The following TLL1 variants were observed in gnomAD, a reference collection of about 807,000 sequenced individuals.
The protein encoded by TLL1 is tolloid like 1.
TLL1 carries 49 observed loss-of-function variants against 128.2 expected under a neutral mutation model. The ratio of observed to expected loss-of-function variants is 0.38; its 90% confidence interval spans 0.30 to 0.48. The LOEUF (loss-of-function observed/expected upper bound fraction) is 0.48. TLL1 is among the 20% of genes least tolerant of loss of function. The pLI is 0.96. For synonymous variants in TLL1, 454 were observed against 418.8 expected, an observed-to-expected ratio of 1.08 and a Z score of -1.03; for missense variants, 1,123 against 1,242.0, an observed-to-expected ratio of 0.90 and a Z score of 1.44.
chr4:165,947,905 C>T (rs1734332803), intron 1 of TLL1, among the ~76,000 whole-genome samples: 1 of 152,130 alleles, frequency 6.6e-6, no homozygotes, highest in African/African-American at 2.4e-5. Context: ...CAGAAAGGGA[C>T]AGAGGCTATA....
At chr4:166,004,182 C>T (rs969890810) in intron 6 of TLL1, among the ~76,000 whole-genome samples, 7 of 152,020 alleles carry the variant, frequency 4.6e-5, no homozygotes, top group African/African-American at 1.7e-4. Context: ...TTGATAATGG[C>T]CTCAATGTAA....
Position 165,897,773 on chromosome 4 carries a change from A to G in TLL1, c.169+23700A>G, listed in dbSNP as rs140519079. Among the ~76,000 whole-genome samples, 608 of 149,558 alleles carry G rather than the reference A, an allele frequency of 4.1e-3. 25 individuals carry two copies. The East Asian group carries it at 0.059, about 15-fold the overall frequency. ...GTTTCTAATTCTGTGAAGAAAGTCAATGGTAGCTGGATGGGGATAGCATTG... is the reference window on the plus strand; with the variant it reads ...GTTTCTAATTCTGTGAAGAAAGTCAGTGGTAGCTGGATGGGGATAGCATTG... On this transcript the variant is annotated intron_variant, in intron 1 of 20. Coordinates refer to ENST00000061240, the MANE Select transcript of TLL1 (RefSeq NM_012464.5).
At chr4:166,010,778 G>A (rs963400749) in intron 7 of TLL1, among the ~76,000 whole-genome samples, 1 of 150,326 alleles carries the variant, frequency 6.7e-6, no homozygotes, top group African/African-American at 2.4e-5. Flanking sequence ...GTATAGTTTG[G>A]GTCTTATGTT....
In TLL1 at chr4:165,873,701, G is replaced by A. The variant is rs141149983; in HGVS notation, c.-204G>A. On this transcript the variant is annotated 5_prime_UTR_variant, in exon 1 of 21. Coordinates refer to ENST00000061240, the MANE Select transcript of TLL1 (RefSeq NM_012464.5). ...GTGGGCCCCTAGCCAACTTCTCCCT[G>A]CGACTGGGGGTAACAGGCAGTGCTT... 814 of 562,448 alleles carry A rather than the reference G, an allele frequency of 1.4e-3. 1 individual carries two copies. Among genetic ancestry groups the A allele is most frequent in the Non-Finnish European group, 2.2e-3 (682 of 317,176 alleles). The allele number at this position is 562,448 out of a possible 1,614,324, so 34.8% of individuals were successfully genotyped here. A position where few individuals can be genotyped will look rare whatever the true frequency, so the allele number is the denominator to read the frequency against.
At chr4:166,022,690 T>G (rs771397606) in intron 8 of TLL1, among the ~76,000 whole-genome samples, 1 of 152,156 alleles carries the variant, frequency 6.6e-6, no homozygotes, top group African/African-American at 2.4e-5. Flanking sequence ...ACTATGTAAT[T>G]AAAAGAATGA....
intron 3 of TLL1, 115 bp downstream of exon 3, chr4:165,992,999 A>G: frequency 2.2e-6 from 2 of 895,722 alleles, no homozygotes; most frequent in Non-Finnish European, 3.6e-6. Flanking sequence ...TATGTAAATG[A>G]TATATTCTAA....
At chr4:166,060,267 AAGATGTAGT>A in intron 15 of TLL1, 79 bp downstream of exon 15, 1 of 1,448,988 alleles carries the variant, frequency 6.9e-7, no homozygotes, top group Non-Finnish European at 9.6e-7. Flanking sequence ...AAAAAAAAAA[AAGATGTAGT>A]AAAATAGTAT....
intron 1 of TLL1, among the ~76,000 whole-genome samples, chr4:165,924,960 C>T (rs1158579308): frequency 2.0e-5 from 3 of 152,146 alleles, no homozygotes; most frequent in African/African-American, 7.2e-5. Context: ...CTGTTTACAG[C>T]ATGGTTTATT....
intron 8 of TLL1, 37 bp downstream of exon 8, chr4:166,014,597 T>C (rs1249417123): frequency 6.2e-7 from 1 of 1,608,664 alleles, no homozygotes; most frequent in Non-Finnish European, 8.5e-7. Flanking sequence ...ATGACTGTAC[T>C]TGATTGTGCT....
intron 1 of TLL1, among the ~76,000 whole-genome samples, chr4:165,909,055 G>A (rs538508398): frequency 5.3e-5 from 8 of 151,942 alleles, no homozygotes; most frequent in African/African-American, 1.4e-4. Flanking sequence ...AAATTAGCCG[G>A]GTGTGCCTAT....
chr4:166,026,785 C>G (rs1300451991), intron 9 of TLL1, among the ~76,000 whole-genome samples: 1 of 151,822 alleles, frequency 6.6e-6, no homozygotes, highest in East Asian at 1.9e-4. Flanking sequence ...AATTATCTAA[C>G]ATTTGGGAAA....
intron 1 of TLL1, 104 bp downstream of exon 1, chr4:165,874,177 A>G (rs1370614957): frequency 7.1e-7 from 1 of 1,411,804 alleles, no homozygotes; most frequent in African/African-American, 1.4e-5. Context: ...CTCCCGCGTC[A>G]GCCCCTCCGC....
chr4:166,085,803 C>T (rs1033174701), intron 18 of TLL1, among the ~76,000 whole-genome samples: 9 of 151,960 alleles, frequency 5.9e-5, no homozygotes, highest in African/African-American at 2.2e-4. Flanking sequence ...TCTACATGTT[C>T]CCTATTCAGT....
intron 1 of TLL1, among the ~76,000 whole-genome samples, chr4:165,889,567 T>C (rs1199848062): frequency 6.6e-6 from 1 of 152,256 alleles, no homozygotes; most frequent in Non-Finnish European, 1.5e-5. Flanking sequence ...TAAAGTGGTA[T>C]CACAAGTTAC....
At chr4:165,901,901 C>T (rs1732009476) in intron 1 of TLL1, among the ~76,000 whole-genome samples, 1 of 152,172 alleles carries the variant, frequency 6.6e-6, no homozygotes, top group Admixed American at 6.5e-5. Flanking sequence ...ATCTATAAGC[C>T]CCTGAGTGGG....
At chr4:166,015,790 C>G (rs1737909035) in intron 8 of TLL1, among the ~76,000 whole-genome samples, 1 of 151,700 alleles carries the variant, frequency 6.6e-6, no homozygotes, top group Admixed American at 6.6e-5. Flanking sequence ...TGTTGACATT[C>G]CTGCTGAGAG....
chr4:165,919,491 G>C (rs1053051332), intron 1 of TLL1, among the ~76,000 whole-genome samples: 9 of 149,262 alleles, frequency 6.0e-5, no homozygotes, highest in Admixed American at 4.0e-4. Flanking sequence ...TTACAATTTT[G>C]TTGTTATTTA....
chr4:166,026,372 G>T (rs964536570), intron 9 of TLL1, among the ~76,000 whole-genome samples: 19 of 150,888 alleles, frequency 1.3e-4, no homozygotes, highest in African/African-American at 4.4e-4. Flanking sequence ...CAGCCTGGGT[G>T]ACAGAGCAAG....
chr4:165,916,794 C>T (rs1425465625), intron 1 of TLL1, among the ~76,000 whole-genome samples: 1 of 152,066 alleles, frequency 6.6e-6, no homozygotes, highest in Non-Finnish European at 1.5e-5. Flanking sequence ...ACTGGTTCTG[C>T]TGCCTGTCTA....
Sources: allele counts gnomAD v4.1 joint callset (sites outside exome capture counted in the v4.1 genomes callset), GRCh38; gene constraint gnomAD v4.1.1; transcripts MANE v1.5; gene names NCBI Gene and HGNC (gene_info 2026-07-23, HGNC 2026-07-21).